PRKD1: variants seen among roughly 807,000 people sequenced by gnomAD.
PRKD1 encodes the protein serine/threonine-protein kinase D1.
Under a neutral mutation model 95.9 loss-of-function variants are expected in PRKD1, and 63 were observed. That is an observed-to-expected ratio of 0.66 (90% CI 0.54 to 0.81). The LOEUF (loss-of-function observed/expected upper bound fraction) is 0.81, where lower values mean the gene tolerates loss of function less well. PRKD1 is among the 30% of genes least tolerant of loss of function. The probability of loss-of-function intolerance (pLI) is 0.00; values close to 1 mark genes in which losing one functional copy is unlikely to be tolerated. For synonymous variants in PRKD1, 425 were observed against 423.1 expected, an observed-to-expected ratio of 1.00 and a Z score of -0.05; for missense variants, 1,048 against 1,165.3, an observed-to-expected ratio of 0.90 and a Z score of 1.47.
In PRKD1 at chr14:29,778,147, AC is replaced by A. The variant is rs1888860885; in HGVS notation, c.265-52474del. Among the ~76,000 whole-genome samples, 4 of 148,444 alleles carry A rather than the reference AC, an allele frequency of 2.7e-5. No individual in the cohort carries two copies. In the South Asian group the frequency reaches 8.3e-4, roughly 31 times the overall value. On this transcript the variant is annotated intron_variant, in intron 1 of 17. Coordinates refer to ENST00000331968, the MANE Select transcript of PRKD1 (RefSeq NM_002742.3). Reference sequence around the variant, plus strand: ...CTCTCTGGGACACATTTAAAGCACTACAAATTTATAGCACTAAATGCCCACA... The same window carrying A: ...CTCTCTGGGACACATTTAAAGCACTAAAATTTATAGCACTAAATGCCCACA...
At chr14:29,879,851 G>T (rs926393104) in intron 1 of PRKD1, among the ~76,000 whole-genome samples, 1 of 152,096 alleles carries the variant, frequency 6.6e-6, no homozygotes, top group Admixed American at 6.5e-5. Flanking sequence ...GCAGCATTTC[G>T]CCCCTGCCCT....
intron 3 of PRKD1, among the ~76,000 whole-genome samples, 173 bp downstream of exon 3, chr14:29,665,904 T>C (rs984947049): frequency 2.0e-5 from 3 of 152,128 alleles, no homozygotes; most frequent in Non-Finnish European, 4.4e-5. Flanking sequence ...AAAATGTATA[T>C]ATACACACAT....
chr14:29,926,726 G>A (rs1202596022), intron 1 of PRKD1, among the ~76,000 whole-genome samples: 2 of 152,136 alleles, frequency 1.3e-5, no homozygotes, highest in Admixed American at 6.5e-5. Flanking sequence ...ACAAGGCCTT[G>A]GGTACCTGCA....
At chr14:29,782,104 C>G (rs1360709666) in intron 1 of PRKD1, among the ~76,000 whole-genome samples, 2 of 152,148 alleles carry the variant, frequency 1.3e-5, no homozygotes, top group East Asian at 1.9e-4. Context: ...TATCATAATG[C>G]TCAGTTCGGT....
chr14:29,669,866 TCAAAAAA>T (rs1259461782), intron 2 of PRKD1, among the ~76,000 whole-genome samples: 2 of 152,082 alleles, frequency 1.3e-5, no homozygotes, highest in African/African-American at 4.8e-5. Context: ...AGACTGTGTC[TCAAAAAA>T]CAAAAAACAA....
chr14:29,837,330 T>C (rs1450819980), intron 1 of PRKD1, among the ~76,000 whole-genome samples: 1 of 152,218 alleles, frequency 6.6e-6, no homozygotes. Context: ...CTGATGTGCC[T>C]TAAAAAATTT....
In PRKD1 at chr14:29,630,052, TC is replaced by T. The variant is rs1566498117; in HGVS notation, c.1672+689del. 2.0e-5 allele frequency among the ~76,000 whole-genome samples: 3 copies of T among 150,000 alleles called. 1 individual carries two copies. Among genetic ancestry groups the T allele is most frequent in the African/African-American group, 7.4e-5 (3 of 40,340 alleles). The stretch of plus-strand genomic sequence containing the variant: ...TTCTTCTTCTCCCTCTTCTTTTTCT[TC>T]TTGCTCTTTCTCTTCCTCTTCCTCT... On this transcript the variant is annotated intron_variant, in intron 10 of 17. Coordinates refer to ENST00000331968, the MANE Select transcript of PRKD1 (RefSeq NM_002742.3).
chr14:29,768,971 T>C (rs1194753262), intron 1 of PRKD1, among the ~76,000 whole-genome samples: 2 of 152,168 alleles, frequency 1.3e-5, no homozygotes, highest in Non-Finnish European at 2.9e-5. Context: ...CCCTGAACTT[T>C]ACATTTCCTT....
intron 1 of PRKD1, among the ~76,000 whole-genome samples, chr14:29,791,838 T>C (rs1889560215): frequency 6.6e-6 from 1 of 152,246 alleles, no homozygotes; most frequent in Admixed American, 6.5e-5. Flanking sequence ...AAATTTCTCT[T>C]AAGTAAGTAC....
intron 2 of PRKD1, among the ~76,000 whole-genome samples, chr14:29,676,192 T>TTTTTTTTTTTTG (rs1883203263): frequency 3.9e-5 from 5 of 128,558 alleles, no homozygotes; most frequent in South Asian, 2.6e-4. Context: ...TGTTTTTTTT[T>TTTTTTTTTTTTG]TTTTTTTTTT....
At chr14:29,886,446 C>G (rs142771070) in intron 1 of PRKD1, among the ~76,000 whole-genome samples, 1 of 152,336 alleles carries the variant, frequency 6.6e-6, no homozygotes, top group East Asian at 1.9e-4. Flanking sequence ...CCAATTCCCA[C>G]TCTCTCATCC....
rs541175012 is a variant in PRKD1 at position 29,907,716 on chromosome 14, A to G, written c.264+19533T>C. 5.3e-5 allele frequency among the ~76,000 whole-genome samples: 8 copies of G among 152,354 alleles called. No homozygotes were observed. In the East Asian group the frequency reaches 1.5e-3, roughly 29 times the overall value. On this transcript the variant is annotated intron_variant, in intron 1 of 17. Coordinates refer to ENST00000331968, the MANE Select transcript of PRKD1 (RefSeq NM_002742.3). Reference sequence around the variant, plus strand: ...AGAAAGGACTTTTAGTGAAACATGGACGTGTCAAAGATGACATTCATATTT... The same window carrying G: ...AGAAAGGACTTTTAGTGAAACATGGGCGTGTCAAAGATGACATTCATATTT...
At position 29,666,206 on chromosome 14, in the gene PRKD1, A is replaced by T; in HGVS notation, c.406T>A (p.Ser136Thr). 6.3e-7 allele frequency: 1 copy of T among 1,590,156 alleles called. No individual in the cohort carries two copies. Among genetic ancestry groups the T allele is most frequent in the South Asian group, 1.1e-5 (1 of 87,194 alleles). The change falls in exon 3 of 18, where the codon TCC (serine) becomes ACC (threonine). Residue 136 changes from serine (S) to threonine (T), a missense_variant and splice_region_variant. Ser to Thr is a moderately conservative substitution (Grantham distance 58). Around this residue, in one of 3 missense-constraint regions of PRKD1, gnomAD observed 275 missense variants for 248.6 expected, o/e 1.11. Transcript: ENST00000331968. ...GDLIEVVLSA[S>T]ATFEDFQIRP... is the part of the protein sequence containing the mutation. ...ATCTGAAAGTCTTCAAAGGTGGCGG[A>T]AGCTGTAAAAATAGTGATGTTGAAA...
chr14:29,906,394 C>A (rs1429836281), intron 1 of PRKD1, among the ~76,000 whole-genome samples: 1 of 151,972 alleles, frequency 6.6e-6, no homozygotes, highest in East Asian at 1.9e-4. Context: ...TAAAAATTAA[C>A]TGGGCATGGT....
Position 29,842,605 on chromosome 14 carries a change from T to G in PRKD1, c.264+84644A>C, listed in dbSNP as rs139396571. The stretch of plus-strand genomic sequence containing the variant: ...TCTCCTTGTTATTCTGTTTGCTTTG[T>G]TTAGATATTTAAAGGCTATGTTATT... On this transcript the variant is annotated intron_variant, in intron 1 of 17. Coordinates refer to ENST00000331968, the MANE Select transcript of PRKD1 (RefSeq NM_002742.3). Among the ~76,000 whole-genome samples, 60 of 152,336 alleles carry G rather than the reference T, an allele frequency of 3.9e-4. 3 individuals carry two copies. The East Asian group carries it at 0.011, about 28-fold the overall frequency.
intron 1 of PRKD1, among the ~76,000 whole-genome samples, chr14:29,847,961 C>A (rs1364414375): frequency 2.0e-5 from 3 of 152,000 alleles, no homozygotes; most frequent in Non-Finnish European, 4.4e-5. Flanking sequence ...CCCATCTAGA[C>A]AACAATTACA....
At chr14:29,903,267 C>T (rs1594615927) in intron 1 of PRKD1, among the ~76,000 whole-genome samples, 1 of 152,182 alleles carries the variant, frequency 6.6e-6, no homozygotes, top group South Asian at 2.1e-4. Context: ...AGCCTCGAAA[C>T]GGGCTAATGG....
At chr14:29,691,429 C>A (rs1014152288) in intron 2 of PRKD1, among the ~76,000 whole-genome samples, 1 of 152,126 alleles carries the variant, frequency 6.6e-6, no homozygotes, top group African/African-American at 2.4e-5. Flanking sequence ...TAATGAGCAG[C>A]CAAAGTTAAA....
chr14:29,664,603 T>A (rs1035981351), intron 3 of PRKD1, among the ~76,000 whole-genome samples: 6 of 152,212 alleles, frequency 3.9e-5, no homozygotes, highest in Non-Finnish European at 7.3e-5. Context: ...CTAGCTTCCC[T>A]CTTCACAGAC....
Sources: gnomAD v4.1 joint callset for allele counts (sites outside exome capture counted in the v4.1 genomes callset) on GRCh38, gnomAD v4.1.1 for gene constraint, gnomAD v4.1.1 regional missense constraint, MANE v1.5 for transcripts, NCBI Gene and HGNC (gene_info 2026-07-23, HGNC 2026-07-21) for gene names.